ARMH3: variants seen among roughly 807,000 people sequenced by gnomAD.
ARMH3 encodes the protein armadillo like helical domain containing 3, also known as armadillo-like helical domain-containing protein 3.
ARMH3 carries 60 observed loss-of-function variants against 99.1 expected under a neutral mutation model. That is an observed-to-expected ratio of 0.61 (90% confidence interval 0.49 to 0.75). ARMH3 has a LOEUF of 0.75. Ranked by LOEUF, ARMH3 falls within the 30% of genes least tolerant of loss-of-function variation. ARMH3 has a pLI of 0.00. For synonymous variants in ARMH3, 285 were observed against 292.8 expected (o/e 0.97, Z 0.27); for missense variants, 679 against 843.1 (o/e 0.81, Z 2.41).
At chr10:102,006,174 T>C (rs2066482256) in intron 14 of ARMH3, among the ~76,000 whole-genome samples, 1 of 152,240 alleles carries the variant, frequency 6.6e-6, no homozygotes, top group Admixed American at 6.5e-5. Flanking sequence ...TTTACATTCA[T>C]TTCAGTGCTT....
At chr10:101,884,736 A>C (rs1489523975) in intron 24 of ARMH3, among the ~76,000 whole-genome samples, 1 of 152,016 alleles carries the variant, frequency 6.6e-6, no homozygotes, top group Non-Finnish European at 1.5e-5. Flanking sequence ...GACTTCTTGG[A>C]TTTGACACCA....
At chr10:101,895,747 A>G (rs2067813958) in intron 23 of ARMH3, among the ~76,000 whole-genome samples, 1 of 152,242 alleles carries the variant, frequency 6.6e-6, no homozygotes, top group Non-Finnish European at 1.5e-5. Flanking sequence ...CAATCCACAG[A>G]ATAAGAGAAA....
intron 23 of ARMH3, among the ~76,000 whole-genome samples, chr10:101,923,307 A>G (rs1193147725): frequency 1.3e-5 from 2 of 152,210 alleles, no homozygotes; most frequent in African/African-American, 2.4e-5. Flanking sequence ...AGCACAGTAA[A>G]ATGACAGTAA....
chr10:102,029,225 G>A (rs535324472), intron 5 of ARMH3, among the ~76,000 whole-genome samples: 13 of 152,178 alleles, frequency 8.5e-5, no homozygotes, highest in Non-Finnish European at 1.8e-4. Context: ...TTATAAGGCT[G>A]TTATTTTAAA....
chr10:101,886,798 G>A (rs1038611872), intron 24 of ARMH3, among the ~76,000 whole-genome samples: 16 of 152,116 alleles, frequency 1.1e-4, no homozygotes, highest in Non-Finnish European at 2.1e-4. Flanking sequence ...ATGGCAGGCT[G>A]GGCAGGCAGA....
chr10:101,892,304 T>G (rs1369923612), intron 23 of ARMH3, among the ~76,000 whole-genome samples: 2 of 148,302 alleles, frequency 1.3e-5, no homozygotes, highest in East Asian at 4.1e-4. Flanking sequence ...ATAATAATAA[T>G]AAGCCAGGGC....
intron 20 of ARMH3, among the ~76,000 whole-genome samples, chr10:101,967,274 C>T (rs868145549): frequency 1.3e-5 from 2 of 152,186 alleles, no homozygotes; most frequent in African/African-American, 4.8e-5. Flanking sequence ...ACTAGTGTAA[C>T]AAGCTCATGC....
intron 22 of ARMH3, among the ~76,000 whole-genome samples, chr10:101,944,248 A>ATC: frequency 2.5e-5 from 1 of 39,924 alleles, no homozygotes; most frequent in African/African-American, 1.3e-4. Flanking sequence ...GAGCCTATAT[A>ATC]TATATATATA....
At chr10:101,882,546 C>A (rs527577150) in intron 24 of ARMH3, among the ~76,000 whole-genome samples, 1 of 152,224 alleles carries the variant, frequency 6.6e-6, no homozygotes, top group Non-Finnish European at 1.5e-5. Flanking sequence ...GTCGCCCAGG[C>A]TGGAGTGCAG....
intron 19 of ARMH3, among the ~76,000 whole-genome samples, chr10:101,977,182 T>C (rs1046089317): frequency 1.2e-4 from 19 of 152,200 alleles, no homozygotes; most frequent in Non-Finnish European, 2.4e-4. Context: ...GACAGCATTC[T>C]GCTAGATCAT....
chr10:101,860,398 G>A (rs1022640108), intron 24 of ARMH3, among the ~76,000 whole-genome samples: 16 of 152,182 alleles, frequency 1.1e-4, no homozygotes, highest in Non-Finnish European at 1.6e-4. Flanking sequence ...GAGTAACTGA[G>A]AACTGGGAAA....
intron 24 of ARMH3, among the ~76,000 whole-genome samples, chr10:101,869,491 AAC>A (rs2067084398): frequency 6.6e-6 from 1 of 152,368 alleles, no homozygotes; most frequent in Non-Finnish European, 1.5e-5. Flanking sequence ...ATGGAAATGA[AAC>A]ACATTACTAT....
At position 101,872,719 on chromosome 10, in the gene ARMH3, T is replaced by A. The variant is rs551515182; in HGVS notation, c.1860+16693A>T. The stretch of plus-strand genomic sequence containing the variant: ...ATCCCTGTAATCCCAGCATTTTGGG[T>A]AGCCAAGGCAGGTGGATCATCTGAG... On this transcript the variant is annotated intron_variant, in intron 24 of 25. Coordinates refer to ENST00000370033, the MANE Select transcript of ARMH3 (RefSeq NM_024541.3). 4.8e-4 allele frequency among the ~76,000 whole-genome samples: 73 copies of A among 151,636 alleles called. No homozygotes were observed. The Middle Eastern group carries it at 0.01, about 21-fold the overall frequency.
At chr10:101,892,246 A>T (rs112537390) in intron 23 of ARMH3, among the ~76,000 whole-genome samples, 7,487 of 152,104 alleles carry the variant, frequency 0.049, 203 homozygotes, top group Middle Eastern at 0.095. Flanking sequence ...GGAGTTCGAG[A>T]CCAGCCTGAG....
At chr10:101,931,708 A>T (rs1843730033) in intron 23 of ARMH3, among the ~76,000 whole-genome samples, 1 of 152,152 alleles carries the variant, frequency 6.6e-6, no homozygotes, top group South Asian at 2.1e-4. Context: ...AATTGAGCCC[A>T]GGAGTTCAAG....
At position 102,027,975 on chromosome 10, in the gene ARMH3, G is replaced by A. The variant is rs192342999; in HGVS notation, c.414+1663C>T. Among the ~76,000 whole-genome samples, 12 of 149,626 alleles carry A rather than the reference G, an allele frequency of 8.0e-5. No individual in the cohort carries two copies. In the East Asian group the frequency reaches 2.1e-3, roughly 27 times the overall value. On this transcript the variant is annotated intron_variant, in intron 5 of 25. Transcript: ENST00000370033. ...CTGATAAGGGACATATTCAGAATAC[G>A]AAAAGAACTCTTATAACTCAACAAA...
At chr10:101,880,504 T>TG (rs1384791640) in intron 24 of ARMH3, among the ~76,000 whole-genome samples, 22 of 152,164 alleles carry the variant, frequency 1.4e-4, no homozygotes, top group Admixed American at 1.4e-3. Context: ...GTGCTGGAGA[T>TG]GGCTCACACA....
chr10:102,027,112 C>G (rs2067016247), intron 5 of ARMH3, among the ~76,000 whole-genome samples: 1 of 152,084 alleles, frequency 6.6e-6, no homozygotes, highest in Non-Finnish European at 1.5e-5. Context: ...AACCCTGTCT[C>G]TACTACAAAT....
At chr10:101,917,296 T>C (rs1347290925) in intron 23 of ARMH3, among the ~76,000 whole-genome samples, 3 of 152,186 alleles carry the variant, frequency 2.0e-5, no homozygotes, top group African/African-American at 7.2e-5. Flanking sequence ...AACTGACCTA[T>C]ACCCTGTCCC....
Sources: allele counts gnomAD v4.1 joint callset (sites outside exome capture counted in the v4.1 genomes callset), GRCh38; gene constraint gnomAD v4.1.1; transcripts MANE v1.5; gene names NCBI Gene and HGNC (gene_info 2026-07-23, HGNC 2026-07-21).